EIF3H: variants seen among roughly 807,000 people sequenced by gnomAD.
EIF3H encodes eIF-3-gamma.
EIF3H carries 26 observed loss-of-function variants against 44.2 expected under a neutral mutation model. The ratio of observed to expected loss-of-function variants is 0.59; its 90% CI spans 0.43 to 0.82. The LOEUF (loss-of-function observed/expected upper bound fraction) is 0.82, where lower values mean the gene tolerates loss of function less well. Among genes scored for constraint, EIF3H ranks in the 40% least tolerant of loss-of-function variants. The pLI is 0.00. For missense variants in EIF3H, 359 were observed against 432.8 expected (o/e 0.83, Z 1.51); for synonymous variants, 166 against 151.9 (o/e 1.09, Z -0.68).
chr8:116,706,686 C>T (rs1814475570), intron 2 of EIF3H, among the ~76,000 whole-genome samples: 1 of 152,094 alleles, frequency 6.6e-6, no homozygotes, highest in Admixed American at 6.5e-5. Context: ...AGGCGAATGC[C>T]ACCACACCTG....
intron 1 of EIF3H, among the ~76,000 whole-genome samples, chr8:116,730,671 A>T (rs1814936638): frequency 6.6e-6 from 1 of 152,262 alleles, no homozygotes; most frequent in South Asian, 2.1e-4. Flanking sequence ...GACAGAATCC[A>T]TGTTGTGCTC....
At chr8:116,680,973 TAAAA>T (rs11369605) in intron 2 of EIF3H, among the ~76,000 whole-genome samples, 3 of 146,552 alleles carry the variant, frequency 2.0e-5, no homozygotes, top group Admixed American at 6.8e-5. Context: ...ATTTATAAAT[TAAAA>T]AAAAAAAAGA....
chr8:116,752,070 G>C (rs1815353537), intron 1 of EIF3H, among the ~76,000 whole-genome samples: 1 of 152,232 alleles, frequency 6.6e-6, no homozygotes, highest in Non-Finnish European at 1.5e-5. Context: ...AAAGGAGTAA[G>C]TGGCCTAAAA....
intron 1 of EIF3H, among the ~76,000 whole-genome samples, chr8:116,762,270 T>A (rs1447285793): frequency 6.6e-6 from 1 of 152,206 alleles, no homozygotes; most frequent in Non-Finnish European, 1.5e-5. Flanking sequence ...TATGATAACT[T>A]TTTTTTAAAA....
intron 1 of EIF3H, among the ~76,000 whole-genome samples, chr8:116,729,084 C>T (rs1814907792): frequency 6.6e-6 from 1 of 152,178 alleles, no homozygotes; most frequent in South Asian, 2.1e-4. Flanking sequence ...ATTACAAACA[C>T]AACTACCAAT....
intron 5 of EIF3H, among the ~76,000 whole-genome samples, chr8:116,652,053 C>T (rs1451113474): frequency 2.6e-5 from 4 of 152,248 alleles, no homozygotes; most frequent in South Asian, 2.1e-4. Flanking sequence ...AAGACAAAAT[C>T]GCCCCACGAG....
intron 1 of EIF3H, chr8:116,734,427 TA>T: frequency 2.2e-6 from 1 of 454,924 alleles, no homozygotes. Context: ...TTACATTTCA[TA>T]AATCACACAA....
rs187677868 is a variant in EIF3H, at chr8:116,734,219, G to T, written c.133-8047C>A. ...AGGAAAATTAATGTGATTACAGATT[G>T]CGGAAATTGCTAAGAAAAGGGGAAA... On this transcript the variant is annotated intron_variant, in intron 1 of 7. Coordinates refer to ENST00000521861, the MANE Select transcript of EIF3H (RefSeq NM_003756.3). The T allele has an allele frequency of 8.1e-4, 368 of 452,602 alleles. 1 individual carries two copies. The highest frequency in any genetic ancestry group is 6.5e-3 in the African/African-American group (326 of 49,862). The allele number at this position is 452,602 out of a possible 1,614,324, so 28.0% of individuals were successfully genotyped here.
At chr8:116,706,666 C>G (rs909277302) in intron 2 of EIF3H, among the ~76,000 whole-genome samples, 1 of 152,154 alleles carries the variant, frequency 6.6e-6, no homozygotes, top group African/African-American at 2.4e-5. Flanking sequence ...TCACGAGTAG[C>G]TGAGACTACA....
intron 5 of EIF3H, among the ~76,000 whole-genome samples, chr8:116,654,921 A>G (rs1349855521): frequency 1.3e-5 from 2 of 151,264 alleles, no homozygotes; most frequent in East Asian, 1.9e-4. Context: ...TTTTTTTTTA[A>G]CAAGTCTCTA....
intron 2 of EIF3H, among the ~76,000 whole-genome samples, chr8:116,664,055 G>A (rs541422245): frequency 6.6e-5 from 10 of 152,046 alleles, no homozygotes; most frequent in Middle Eastern, 6.8e-3. Flanking sequence ...TTATAAAAAC[G>A]AGAAGTTTTA....
intron 2 of EIF3H, among the ~76,000 whole-genome samples, chr8:116,680,695 G>C (rs1813968861): frequency 7.4e-6 from 1 of 135,762 alleles, no homozygotes; most frequent in Non-Finnish European, 1.6e-5. Flanking sequence ...ACTGCGGAAG[G>C]CCGCAGGGTC....
At chr8:116,728,999 A>C (rs1425949344) in intron 1 of EIF3H, among the ~76,000 whole-genome samples, 1 of 152,232 alleles carries the variant, frequency 6.6e-6, no homozygotes, top group African/African-American at 2.4e-5. Flanking sequence ...TCTGCCAAGA[A>C]AAATTATTTC....
chr8:116,652,274 G>GT (rs1252288828), intron 5 of EIF3H, among the ~76,000 whole-genome samples: 2 of 152,194 alleles, frequency 1.3e-5, no homozygotes, highest in African/African-American at 4.8e-5. Context: ...CTGTGACTTT[G>GT]GAGGGAGGTC....
At chr8:116,691,869 C>CA (rs373127282) in intron 2 of EIF3H, among the ~76,000 whole-genome samples, 103,205 of 134,330 alleles carry the variant, frequency 0.77, 39,363 homozygotes, top group Non-Finnish European at 0.83. Context: ...AAGACTGTCT[C>CA]AAAAAAAAAA....
intron 2 of EIF3H, among the ~76,000 whole-genome samples, chr8:116,683,737 G>A (rs1814029322): frequency 6.6e-6 from 1 of 152,106 alleles, no homozygotes. Flanking sequence ...TACCAAAGTT[G>A]GGTAAAGCAA....
rs771922316 is a variant in EIF3H at position 116,653,348 on chromosome 8, A to AACACACACACACACACACACACACACAC, written c.707+2507_707+2508insGTGTGTGTGTGTGTGTGTGTGTGTGTGT. On this transcript the variant is annotated intron_variant, in intron 5 of 7. Coordinates refer to ENST00000521861, the MANE Select transcript of EIF3H (RefSeq NM_003756.3). Reference sequence around the variant, plus strand: ...GCTCTTCAGAAAAAAAACAATCAGAAACACACACACACACACACACACAAT... The same window carrying AACACACACACACACACACACACACACAC: ...GCTCTTCAGAAAAAAAACAATCAGAAACACACACACACACACACACACACACACACACACACACACACACACACACAAT... 6.4e-3 allele frequency among the ~76,000 whole-genome samples: 923 copies of AACACACACACACACACACACACACACAC among 144,626 alleles called. 10 individuals carry two copies. The highest frequency in any genetic ancestry group is 0.023 in the Admixed American group (332 of 14,414). 94.9% of individuals were successfully genotyped at this position (144,626 alleles called of 152,430 possible). A position where few individuals can be genotyped will look rare whatever the true frequency, so the allele number is the denominator to read the frequency against.
chr8:116,683,564 A>G (rs946945117), intron 2 of EIF3H, among the ~76,000 whole-genome samples: 1 of 152,230 alleles, frequency 6.6e-6, no homozygotes. Context: ...GGAATGTTAG[A>G]CATTCAGCCC....
In EIF3H at chr8:116,676,952, T is replaced by TA. The variant is rs11292299; in HGVS notation, c.290-17973dup. Among the ~76,000 whole-genome samples the TA allele has an allele frequency of 4.5e-3, 661 of 147,548 alleles. 3 individuals carry two copies. Among genetic ancestry groups the TA allele is most frequent in the African/African-American group, 0.015 (615 of 40,660 alleles). ...GCTTTACTAAGTCCTTGCTTTAAAATAAAAAAAAAAAATTCATATGAATAC... is the reference window on the plus strand; with the variant it reads ...GCTTTACTAAGTCCTTGCTTTAAAATAAAAAAAAAAAAATTCATATGAATAC... On this transcript the variant is annotated intron_variant, in intron 2 of 7. Coordinates refer to ENST00000521861, the MANE Select transcript of EIF3H (RefSeq NM_003756.3).
Sources: allele counts gnomAD v4.1 joint callset (sites outside exome capture counted in the v4.1 genomes callset), GRCh38; gene constraint gnomAD v4.1.1; transcripts MANE v1.5; gene names NCBI Gene and HGNC (gene_info 2026-07-23, HGNC 2026-07-21).